Variants in ZSCAN25 observed in about 807,000 individuals in gnomAD.
The protein encoded by ZSCAN25 is zinc finger and SCAN domain-containing protein 25.
A neutral mutation model predicts 38.7 loss-of-function variants in ZSCAN25; 27 were observed. The ratio of observed to expected loss-of-function variants is 0.70; its 90% CI spans 0.51 to 0.96. The LOEUF (loss-of-function observed/expected upper bound fraction) is 0.96, where lower values mean the gene tolerates loss of function less well. Ranked by LOEUF, ZSCAN25 falls within the 40% of genes least tolerant of loss-of-function variation. ZSCAN25 has a pLI of 0.00. For synonymous variants in ZSCAN25, 273 were observed against 277.7 expected (o/e 0.98, Z 0.17); for missense variants, 637 against 705.9 (o/e 0.90, Z 1.11).
intron 5 of ZSCAN25, chr7:99,622,272 A>G: frequency 2.1e-6 from 1 of 470,624 alleles, no homozygotes; most frequent in South Asian, 2.4e-5. Flanking sequence ...TTATTCCCAG[A>G]GTGTGACTGG....
chr7:99,679,672 GATA>G, the ZSCAN25 span, among the ~76,000 whole-genome samples: 17 of 152,336 alleles, frequency 1.1e-4, no homozygotes, highest in East Asian at 5.8e-4. Flanking sequence ...ATCTGCATAA[GATA>G]ATAATAACTT....
chr7:99,660,592 G>A, the ZSCAN25 span: 1 of 1,614,010 alleles, frequency 6.2e-7, no homozygotes, highest in Non-Finnish European at 8.5e-7. Flanking sequence ...AAAGAACACT[G>A]CTGGTGGTTT....
At chr7:99,715,705 A>T in the ZSCAN25 span, 1 of 1,612,614 alleles carries the variant, frequency 6.2e-7, no homozygotes, top group South Asian at 1.1e-5. Context: ...CATCTCAATA[A>T]AGCAGTTATT....
chr7:99,672,904 A>C, the ZSCAN25 span: 1 of 1,352,054 alleles, frequency 7.4e-7, no homozygotes, highest in Non-Finnish European at 9.5e-7. Context: ...TGGTCCAAAC[A>C]GGGAAGAGAT....
the ZSCAN25 span, among the ~76,000 whole-genome samples, chr7:99,708,743 T>C: frequency 2.0e-5 from 3 of 152,130 alleles, no homozygotes; most frequent in Non-Finnish European, 4.4e-5. Flanking sequence ...AATAATAGCA[T>C]TGTGATCATG....
At chr7:99,695,822 T>A in the ZSCAN25 span, 1 of 1,613,616 alleles carries the variant, frequency 6.2e-7, no homozygotes, top group Non-Finnish European at 8.5e-7. Flanking sequence ...AAAAAGTCCA[T>A]GTGAATGGGC....
the ZSCAN25 span, among the ~76,000 whole-genome samples, chr7:99,725,166 A>G: frequency 6.6e-6 from 1 of 152,202 alleles, no homozygotes; most frequent in East Asian, 1.9e-4. Context: ...CAAGGTAAAG[A>G]TGAAAACCCA....
chr7:99,691,731 G>C, the ZSCAN25 span, among the ~76,000 whole-genome samples: 2 of 151,122 alleles, frequency 1.3e-5, no homozygotes, highest in East Asian at 3.9e-4. Flanking sequence ...GCTTTTTTTT[G>C]CTTTCTGTTT....
At position 99,616,985 on chromosome 7, in the gene ZSCAN25, A is replaced by AGCGGGTGAGAGGCCCTTCAGGGCCGCG. The variant is rs1462596448; in HGVS notation, c.-278_-259+7dup. On this transcript the variant is annotated 5_prime_UTR_variant, in exon 1 of 8. Coordinates refer to ENST00000394152, the MANE Select transcript of ZSCAN25 (RefSeq NM_145115.3). ...GACCGCGGATAGCACTGGCGACCCTAGCGGGTGAGAGGCCCTTCAGGGCCG... is the reference window on the plus strand; with the variant it reads ...GACCGCGGATAGCACTGGCGACCCTAGCGGGTGAGAGGCCCTTCAGGGCCGCGGCGGGTGAGAGGCCCTTCAGGGCCG... 7.2e-5 allele frequency: 11 copies of AGCGGGTGAGAGGCCCTTCAGGGCCGCG among 152,182 alleles called. No individual in the cohort carries two copies. The highest frequency in any genetic ancestry group is 1.3e-4 in the Non-Finnish European group (9 of 68,046). The allele number at this position is 152,182 out of a possible 1,614,324, so 9.4% of individuals were successfully genotyped here. A position where few individuals can be genotyped will look rare whatever the true frequency, so the allele number is the denominator to read the frequency against.
At chr7:99,701,704 G>A in the ZSCAN25 span, among the ~76,000 whole-genome samples, 7 of 152,278 alleles carry the variant, frequency 4.6e-5, no homozygotes, top group South Asian at 1.0e-3. Context: ...ATGATGTTGA[G>A]CACATTTTCA....
intron 1 of ZSCAN25, among the ~76,000 whole-genome samples, 166 bp downstream of exon 1, chr7:99,617,182 T>G (rs1486649881): frequency 6.6e-6 from 1 of 152,126 alleles, no homozygotes; most frequent in East Asian, 1.9e-4. Context: ...GGAGCTGCCT[T>G]CAGCGGCCCC....
At chr7:99,699,426 T>C in the ZSCAN25 span, among the ~76,000 whole-genome samples, 1 of 152,022 alleles carries the variant, frequency 6.6e-6, no homozygotes, top group African/African-American at 2.4e-5. Context: ...GTCTTGGTGT[T>C]CCCCGGTGTG....
the ZSCAN25 span, among the ~76,000 whole-genome samples, chr7:99,661,042 A>G: frequency 1.3e-5 from 2 of 152,208 alleles, no homozygotes; most frequent in Non-Finnish European, 2.9e-5. Context: ...CCCAATAAAA[A>G]TTTGATTTTC....
chr7:99,633,922 G>A (rs1216035256), downstream of ZSCAN25, among the ~76,000 whole-genome samples: 2 of 152,168 alleles, frequency 1.3e-5, no homozygotes, highest in South Asian at 2.1e-4. Flanking sequence ...CAAATGTTCC[G>A]TATTTCCTGC....
chr7:99,672,918 G>A, the ZSCAN25 span: 1 of 1,301,662 alleles, frequency 7.7e-7, no homozygotes, highest in African/African-American at 1.5e-5. Context: ...AAGAGATATT[G>A]AAAGACAAAA....
chr7:99,641,593 A>T, the ZSCAN25 span, among the ~76,000 whole-genome samples: 13 of 152,138 alleles, frequency 8.5e-5, no homozygotes, highest in Admixed American at 6.5e-4. Flanking sequence ...TCAAGTAGGC[A>T]TCTCAAACTT....
Position 99,630,839 on chromosome 7 carries a change from A to G in ZSCAN25, c.*819A>G. ...TTTTGCTATTGATCACTGAATAAACATCAGAGTATTTTAAAAAACAGTTCT... is the reference window on the plus strand; with the variant it reads ...TTTTGCTATTGATCACTGAATAAACGTCAGAGTATTTTAAAAAACAGTTCT... On this transcript the variant is annotated 3_prime_UTR_variant, in exon 8 of 8. Coordinates refer to ENST00000394152, the MANE Select transcript of ZSCAN25 (RefSeq NM_145115.3). 4 of 985,312 alleles carry G rather than the reference A, an allele frequency of 4.1e-6. No individual in the cohort carries two copies. The highest frequency in any genetic ancestry group is 4.8e-6 in the Non-Finnish European group (4 of 829,776). 61.0% of individuals were successfully genotyped at this position (985,312 alleles called of 1,614,324 possible).
rs1269900004 is a variant in ZSCAN25 at position 99,619,684 on chromosome 7, G to A, written c.78G>A (p.Glu26=). ...LGIPVVKLEK[E]LPWGRGREDP... ...TTCCTGTGGTGAAACTGGAGAAAGA[G>A]TTGCCATGGGGCAGAGGAAGGGAGG... The change falls in exon 4 of 8, where the codon GAG becomes GAA. Residue 26 remains glutamate (E), a synonymous_variant. Transcript: ENST00000394152. 6.2e-7 allele frequency: 1 copy of A among 1,614,144 alleles called. No individual in the cohort carries two copies. The highest frequency in any genetic ancestry group is 8.5e-7 in the Non-Finnish European group (1 of 1,180,052).
chr7:99,700,873 C>T, the ZSCAN25 span, among the ~76,000 whole-genome samples: 1 of 152,158 alleles, frequency 6.6e-6, no homozygotes, highest in African/African-American at 2.4e-5. Context: ...TCAGATGCAG[C>T]CAGCACTGTT....
Sources: gnomAD v4.1 joint callset for allele counts (sites outside exome capture counted in the v4.1 genomes callset) on GRCh38, gnomAD v4.1.1 for gene constraint, MANE v1.5 for transcripts, NCBI Gene and HGNC (gene_info 2026-07-23, HGNC 2026-07-21) for gene names.